Variants in NSA2 observed in about 807,000 individuals in gnomAD.
NSA2 encodes the protein ribosome biogenesis protein NSA2 homolog.
Under a neutral mutation model 34.8 loss-of-function variants are expected in NSA2, and 18 were observed. The ratio of observed to expected loss-of-function variants is 0.52; its 90% confidence interval spans 0.36 to 0.77. The LOEUF (loss-of-function observed/expected upper bound fraction) is 0.77, where lower values mean the gene tolerates loss of function less well. Ranked by LOEUF, NSA2 falls within the 30% of genes least tolerant of loss-of-function variation. NSA2 has a pLI of 0.00. For synonymous variants in NSA2, 79 were observed against 100.2 expected (o/e 0.79, Z 1.26); for missense variants, 188 against 314.7 (o/e 0.60, Z 3.05).
chr5:74,774,228 T>A lies in NSA2; in HGVS notation c.715+168T>A, dbSNP rs6883278. Among the ~76,000 whole-genome samples, 24,889 of 152,188 alleles carry A rather than the reference T, an allele frequency of 0.16. 2,449 individuals carry two copies. Among genetic ancestry groups the A allele is most frequent in the African/African-American group, 0.27 (11,399 of 41,478 alleles). On this transcript the variant is annotated intron_variant, in intron 5 of 5. Transcript: ENST00000610426. ...GTAAAAAATACTTTATAGAAAAAGTTGTTATAAATACAATTGTTTTAAAAT... is the reference window on the plus strand; with the variant it reads ...GTAAAAAATACTTTATAGAAAAAGTAGTTATAAATACAATTGTTTTAAAAT...
rs34654949 is a variant in NSA2, at chr5:74,769,352, A to G, written c.330A>G (p.Arg110=). 1,701 of 1,604,334 alleles carry G rather than the reference A, an allele frequency of 1.1e-3. 15 individuals are homozygous for G. The African/African-American group carries it at 0.019, about 18-fold the overall frequency. ...TTTCCAATATGATTAAACAGAAAAG[A>G]AAAGAGAAGGCGGTAAGCAATAACA... ...KVLSNMIKQK[R]KEKAGKWEVP... is the part of the protein sequence containing the mutation. Residue 110 remains arginine (R), a synonymous_variant, in exon 3 of 6, where the codon AGA becomes AGG. Transcript: ENST00000610426.
At chr5:74,768,206 T>G (rs1175448266) in intron 1 of NSA2, among the ~76,000 whole-genome samples, 1 of 152,192 alleles carries the variant, frequency 6.6e-6, no homozygotes, top group Non-Finnish European at 1.5e-5. Context: ...CACCCAAAAC[T>G]GGGAACAACC....
At chr5:74,772,094 A>T (rs1369873199) in intron 4 of NSA2, among the ~76,000 whole-genome samples, 2 of 151,528 alleles carry the variant, frequency 1.3e-5, no homozygotes, top group Non-Finnish European at 1.5e-5. Flanking sequence ...AAGTTGCAAC[A>T]TGCCATAATC....
At chr5:74,771,126 A>G (rs1457397311) in intron 4 of NSA2, among the ~76,000 whole-genome samples, 1 of 152,098 alleles carries the variant, frequency 6.6e-6, no homozygotes, top group Admixed American at 6.6e-5. Flanking sequence ...AAAAAATACA[A>G]AAAATAAGCT....
intron 5 of NSA2, among the ~76,000 whole-genome samples, chr5:74,775,204 A>G (rs969387336): frequency 2.0e-5 from 3 of 152,184 alleles, no homozygotes; most frequent in African/African-American, 7.2e-5. Flanking sequence ...TGACAGAGCG[A>G]GACTCTGTCT....
At position 74,770,480 on chromosome 5, in the gene NSA2, A is replaced by C. The variant is rs754547665; in HGVS notation, c.343-151A>C. On this transcript the variant is annotated intron_variant, in intron 3 of 5. Transcript: ENST00000610426. ...TGTTTAATTTGCAGCTTATGAGACA[A>C]TACAGACCTCTAGAAGACGGTTGAG... 7.0e-6 allele frequency: 4 copies of C among 568,940 alleles called. No homozygotes were observed. In the Admixed American group the frequency reaches 1.3e-4, roughly 19 times the overall value. 35.2% of individuals were successfully genotyped at this position (568,940 alleles called of 1,614,324 possible).
At chr5:74,775,743 G>A (rs535972312) in intron 5 of NSA2, among the ~76,000 whole-genome samples, 1 of 151,378 alleles carries the variant, frequency 6.6e-6, no homozygotes, top group Non-Finnish European at 1.5e-5. Context: ...GCCGAGGGAG[G>A]CATACAACAT....
intron 4 of NSA2, among the ~76,000 whole-genome samples, chr5:74,772,282 G>C (rs965214875): frequency 1.3e-5 from 2 of 151,872 alleles, no homozygotes; most frequent in Non-Finnish European, 2.9e-5. Flanking sequence ...CCGCTACCAC[G>C]CCCGGCTAAT....
chr5:74,771,971 C>G (rs1744949450), intron 4 of NSA2, among the ~76,000 whole-genome samples: 1 of 152,046 alleles, frequency 6.6e-6, no homozygotes, highest in Non-Finnish European at 1.5e-5. Context: ...ACTTCCCCAC[C>G]CCTGGGGAGA....
chr5:74,767,431 G>A (rs1580047563), intron 1 of NSA2, 68 bp downstream of exon 1: 3 of 1,594,042 alleles, frequency 1.9e-6, no homozygotes, highest in Non-Finnish European at 2.6e-6. Context: ...GGACTCTGGG[G>A]CGCTGGGGTA....
In NSA2 at chr5:74,767,270, C is replaced by A; in HGVS notation, c.-91C>A. On this transcript the variant is annotated 5_prime_UTR_variant, in exon 1 of 6. Coordinates refer to ENST00000610426, the MANE Select transcript of NSA2 (RefSeq NM_014886.6). ...GGTGACTCTTTCCTGTCCCGGCCTG[C>A]GTGGTGTGGGCTTGTGGGTCTTTGA... The A allele has an allele frequency of 6.7e-7, 1 of 1,498,842 alleles. No homozygotes were observed. Among genetic ancestry groups the A allele is most frequent in the Non-Finnish European group, 9.3e-7 (1 of 1,078,538 alleles). The allele number at this position is 1,498,842 out of a possible 1,614,324, so 92.8% of individuals were successfully genotyped here.
rs1204532525 is a variant in NSA2 at position 74,767,323 on chromosome 5, C to T, written c.-38C>T. On this transcript the variant is annotated 5_prime_UTR_variant, in exon 1 of 6. Transcript: ENST00000610426. Reference sequence around the variant, plus strand: ...CCCGAAAATTGAGAGCGTTTTCGCACTCCAGCGGCTGCTCCTGGCGGCTCT... The same window carrying T: ...CCCGAAAATTGAGAGCGTTTTCGCATTCCAGCGGCTGCTCCTGGCGGCTCT... The T allele has an allele frequency of 6.2e-7, 1 of 1,613,380 alleles. No homozygotes were observed. The highest frequency in any genetic ancestry group is 1.7e-5 in the Admixed American group (1 of 60,020).
chr5:74,769,412 A>C (rs1467442206), intron 3 of NSA2, 48 bp downstream of exon 3: 2 of 1,485,424 alleles, frequency 1.3e-6, no homozygotes, highest in Non-Finnish European at 1.8e-6. Context: ...AGAATTACTT[A>C]AATTCAAATT....
Position 74,769,382 on chromosome 5 carries a change from A to G in NSA2, c.342+18A>G. Reference sequence around the variant, plus strand: ...AGAAGGCGGTAAGCAATAACAATTGAAGTCTTTGTTTTGTTTAGGAGAATT... The same window carrying G: ...AGAAGGCGGTAAGCAATAACAATTGGAGTCTTTGTTTTGTTTAGGAGAATT... On this transcript the variant is annotated intron_variant, in intron 3 of 5. Coordinates refer to ENST00000610426, the MANE Select transcript of NSA2 (RefSeq NM_014886.6). 6.3e-7 allele frequency: 1 copy of G among 1,576,662 alleles called. No homozygotes were observed.
At chr5:74,775,374 G>T (rs1745076506) in intron 5 of NSA2, among the ~76,000 whole-genome samples, 1 of 152,000 alleles carries the variant, frequency 6.6e-6, no homozygotes. Context: ...CCAGCACTTG[G>T]GGAGGCCGAG....
chr5:74,775,671 A>G (rs145886919), intron 5 of NSA2, among the ~76,000 whole-genome samples: 203 of 150,724 alleles, frequency 1.3e-3, no homozygotes, highest in African/African-American at 4.9e-3. Flanking sequence ...TTACAAGGGA[A>G]GCAGATGCAA....
At position 74,772,736 on chromosome 5, in the gene NSA2, G is replaced by C. The variant is rs574638967; in HGVS notation, c.523-1132G>C. On this transcript the variant is annotated intron_variant, in intron 4 of 5. Transcript: ENST00000610426. ...AGAATATACAAGTCAGGCTATTCTA[G>C]GTTTTCTGTAGTTTCACAGATTTGT... Among the ~76,000 whole-genome samples, 7 of 152,258 alleles carry C rather than the reference G, an allele frequency of 4.6e-5. No individual in the cohort carries two copies. In the East Asian group the frequency reaches 1.2e-3, roughly 25 times the overall value.
rs139974804 is a variant in NSA2 at position 74,770,664 on chromosome 5, G to T, written c.376G>T (p.Ala126Ser). 8.7e-6 allele frequency: 14 copies of T among 1,608,784 alleles called. No homozygotes were observed. In the South Asian group the frequency reaches 1.6e-4, roughly 18 times the overall value. Reference protein sequence around the residue: ...KWEVPLPKVRAQGETEVLKVI... With the variant: ...KWEVPLPKVRSQGETEVLKVI... Reference sequence around the variant, plus strand: ...GGAAGTCCCTCTGCCTAAAGTACGTGCCCAGGGAGAAACAGAAGTATTAAA... The same window carrying T: ...GGAAGTCCCTCTGCCTAAAGTACGTTCCCAGGGAGAAACAGAAGTATTAAA... The change falls in exon 4 of 6, where the codon GCC (alanine) becomes TCC (serine). Residue 126 changes from alanine to serine, a missense_variant. By Grantham distance (99) the Ala-to-Ser change is moderately conservative. Transcript: ENST00000610426.
In NSA2 at chr5:74,777,768, C is replaced by CTACTT. The variant is rs1745195722; in HGVS notation, c.*1099_*1103dup. The CTACTT allele has an allele frequency of 6.6e-6, 1 of 151,840 alleles. No individual in the cohort carries two copies. The highest frequency in any genetic ancestry group is 1.9e-4 in the East Asian group (1 of 5,170). The allele number at this position is 151,840 out of a possible 1,614,324, so 9.4% of individuals were successfully genotyped here. On this transcript the variant is annotated 3_prime_UTR_variant, in exon 6 of 6. Coordinates refer to ENST00000610426, the MANE Select transcript of NSA2 (RefSeq NM_014886.6). ...CAATCACAAAATATAGGTTTAATTA[C>CTACTT]TACTTTTAAACTTAAAAAAAAATAA...
Sources: allele counts gnomAD v4.1 joint callset (sites outside exome capture counted in the v4.1 genomes callset), GRCh38; gene constraint gnomAD v4.1.1; transcripts MANE v1.5; gene names NCBI Gene and HGNC (gene_info 2026-07-23, HGNC 2026-07-21).